The following GPHN variants were observed in gnomAD, a reference collection of about 807,000 sequenced individuals.
The protein encoded by GPHN is gephyrin.
A neutral mutation model predicts 95.5 loss-of-function variants in GPHN; 17 were observed. The observed-to-expected ratio is 0.18, with a 90% CI of 0.12 to 0.27. The LOEUF is 0.27. Ranked by LOEUF, GPHN falls within the 10% of genes least tolerant of loss-of-function variation. GPHN has a pLI of 1.00. For missense variants in GPHN, 660 were observed against 978.1 expected, an observed-to-expected ratio of 0.67 and a Z score of 4.34; for synonymous variants, 320 against 322.5, an observed-to-expected ratio of 0.99 and a Z score of 0.08.
At chr14:67,392,333 G>A in the GPHN span, 5 of 1,595,266 alleles carry the variant, frequency 3.1e-6, no homozygotes, top group African/African-American at 5.4e-5. Flanking sequence ...TACCTGCTTG[G>A]CCAGGTAGCC....
chr14:67,645,843 G>A, the GPHN span: 8 of 1,604,822 alleles, frequency 5.0e-6, no homozygotes, highest in African/African-American at 9.4e-5. Context: ...ATGGCTTGCA[G>A]GGTTTTGCTG....
chr14:67,200,250 CCT>C, the GPHN span: 1 of 894,522 alleles, frequency 1.1e-6, no homozygotes. Flanking sequence ...TGGCTACCAG[CCT>C]CTCCCTCCAA....
At chr14:66,716,534 A>G (rs1431923425) in intron 2 of GPHN, among the ~76,000 whole-genome samples, 1 of 152,142 alleles carries the variant, frequency 6.6e-6, no homozygotes. Context: ...TTGATTCATC[A>G]TGCTATTTGT....
At chr14:66,872,630 T>A (rs912696670) in intron 4 of GPHN, among the ~76,000 whole-genome samples, 4 of 152,018 alleles carry the variant, frequency 2.6e-5, no homozygotes, top group African/African-American at 9.7e-5. Flanking sequence ...CATGGTGGCT[T>A]ATGCCTGTAA....
At chr14:67,729,359 C>A in the GPHN span, 1 of 1,597,906 alleles carries the variant, frequency 6.3e-7, no homozygotes, top group Non-Finnish European at 8.5e-7. Context: ...GGCCTGGAGC[C>A]CCTGAGTGGC....
chr14:67,676,821 T>C, the GPHN span: 3 of 152,224 alleles, frequency 2.0e-5, no homozygotes, highest in African/African-American at 7.2e-5. Context: ...ATCAAACTTT[T>C]AATTCTTAGT....
the GPHN span, among the ~76,000 whole-genome samples, chr14:67,476,894 G>A: frequency 2.0e-5 from 3 of 152,290 alleles, no homozygotes; most frequent in South Asian, 6.2e-4. Flanking sequence ...GGGAGGCGGA[G>A]ATGGGCAGAT....
the GPHN span, chr14:67,592,846 C>A: frequency 3.3e-6 from 2 of 611,582 alleles, no homozygotes; most frequent in South Asian, 2.0e-5. Context: ...AGTGCAGTGG[C>A]GCAATCTCGG....
chr14:67,249,981 T>C, the GPHN span, among the ~76,000 whole-genome samples: 4 of 152,246 alleles, frequency 2.6e-5, no homozygotes, highest in African/African-American at 4.8e-5. Context: ...GAAATGTAAG[T>C]AACGCTTCGG....
In GPHN at chr14:66,835,486, A is replaced by C. The variant is rs565333037; in HGVS notation, c.294+10920A>C. 3.0e-3 allele frequency among the ~76,000 whole-genome samples: 451 copies of C among 152,010 alleles called. 2 individuals are homozygous for C. The highest frequency in any genetic ancestry group is 0.01 in the African/African-American group (433 of 41,470). On this transcript the variant is annotated intron_variant, in intron 4 of 22. Transcript: ENST00000478722. ...TATCTATGACAAACCCACAGCCAATATCATACTGAATGGGCAAAAACTGGA... is the reference window on the plus strand; with the variant it reads ...TATCTATGACAAACCCACAGCCAATCTCATACTGAATGGGCAAAAACTGGA...
At chr14:67,626,533 T>TA in the GPHN span, among the ~76,000 whole-genome samples, 3 of 152,276 alleles carry the variant, frequency 2.0e-5, no homozygotes, top group South Asian at 2.1e-4. Context: ...CTTTTTTTTT[T>TA]AGACAGTCTC....
the GPHN span, chr14:67,577,497 C>T: frequency 1.2e-6 from 1 of 867,842 alleles, no homozygotes; most frequent in Admixed American, 2.0e-5. Context: ...GGGGACAACC[C>T]ACAGAGGGAT....
chr14:67,599,395 G>A, the GPHN span, among the ~76,000 whole-genome samples: 1 of 152,266 alleles, frequency 6.6e-6, no homozygotes, highest in East Asian at 1.9e-4. Context: ...GAGAAAACAG[G>A]AATGAATCTG....
At chr14:67,446,456 A>C in the GPHN span, among the ~76,000 whole-genome samples, 13,130 of 152,264 alleles carry the variant, frequency 0.086, 594 homozygotes, top group Middle Eastern at 0.14. Flanking sequence ...CATTCCATGA[A>C]ACCAAAATCA....
At chr14:66,901,510 A>G (rs1182291120) in intron 5 of GPHN, among the ~76,000 whole-genome samples, 1 of 151,960 alleles carries the variant, frequency 6.6e-6, no homozygotes, top group African/African-American at 2.4e-5. Flanking sequence ...TTCATGTTTC[A>G]GGTCTTAGAT....
intron 1 of GPHN, among the ~76,000 whole-genome samples, chr14:66,676,805 T>C (rs1462077878): frequency 2.0e-5 from 3 of 151,990 alleles, no homozygotes; most frequent in African/African-American, 7.2e-5. Context: ...TCTTTAGTTT[T>C]GGTATCTGGG....
the GPHN span, among the ~76,000 whole-genome samples, chr14:67,216,145 A>G: frequency 6.6e-6 from 1 of 152,158 alleles, no homozygotes; most frequent in African/African-American, 2.4e-5. Flanking sequence ...ACAGTCAATG[A>G]ACACATATTA....
At chr14:66,579,414 G>T (rs562106244) in intron 1 of GPHN, among the ~76,000 whole-genome samples, 1 of 150,706 alleles carries the variant, frequency 6.6e-6, no homozygotes, top group East Asian at 1.9e-4. Flanking sequence ...CAGAGCAGCT[G>T]AATGGATTAA....
At chr14:67,681,096 G>A in the GPHN span, among the ~76,000 whole-genome samples, 1 of 152,192 alleles carries the variant, frequency 6.6e-6, no homozygotes, top group African/African-American at 2.4e-5. Context: ...AGGTAACTAA[G>A]GTTAAATGAG....
Sources: gnomAD v4.1 joint callset for allele counts (sites outside exome capture counted in the v4.1 genomes callset) on GRCh38, gnomAD v4.1.1 for gene constraint, MANE v1.5 for transcripts, NCBI Gene and HGNC (gene_info 2026-07-23, HGNC 2026-07-21) for gene names.